The following TENM3 variants were observed in gnomAD, a reference collection of about 807,000 sequenced individuals.
The protein encoded by TENM3 is teneurin transmembrane protein 3.
In TENM3, 63 loss-of-function variants were observed where a neutral mutation model predicts 255.1. The ratio of observed to expected loss-of-function variants is 0.25; its 90% confidence interval spans 0.20 to 0.30. TENM3 has a LOEUF of 0.30. Among genes scored for constraint, TENM3 ranks in the 10% least tolerant of loss-of-function variants. The probability of loss-of-function intolerance (pLI) is 1.00; values close to 1 mark genes in which losing one functional copy is unlikely to be tolerated. For missense variants in TENM3, 2,929 were observed against 3,461.1 expected, an observed-to-expected ratio of 0.85 and a Z score of 3.86; for synonymous variants, 1,306 against 1,322.3, an observed-to-expected ratio of 0.99 and a Z score of 0.27.
At chr4:182,335,321 C>G (rs1764044560) in intron 2 of TENM3, among the ~76,000 whole-genome samples, 1 of 57,848 alleles carries the variant, frequency 1.7e-5, no homozygotes, top group Non-Finnish European at 4.0e-5. Context: ...TGGTGAAACC[C>G]CGTCTCTACT....
rs1241047514 is a variant in TENM3, at chr4:182,708,028, G to A, written c.2222-6059G>A. 2.7e-5 allele frequency: 4 copies of A among 149,202 alleles called. No homozygotes were observed. The South Asian group carries it at 6.4e-4, about 24-fold the overall frequency. 9.2% of individuals were successfully genotyped at this position (149,202 alleles called of 1,614,324 possible). On this transcript the variant is annotated intron_variant, in intron 12 of 27. Transcript: ENST00000511685. ...TTTTTTTTCTAAATCTCCAAGAGAC[G>A]ACATTGTGATAGAGTGGTTTAGAGC...
the TENM3 span, among the ~76,000 whole-genome samples, chr4:181,672,619 G>A: frequency 6.6e-6 from 1 of 152,132 alleles, no homozygotes; most frequent in Admixed American, 6.6e-5. Flanking sequence ...AGGGGAGACT[G>A]TTCTAGCTGT....
chr4:182,145,600 T>G (rs1749906551), intron 1 of TENM3, among the ~76,000 whole-genome samples: 1 of 152,166 alleles, frequency 6.6e-6, no homozygotes, highest in Non-Finnish European at 1.5e-5. Flanking sequence ...TAATTTTTAT[T>G]GTAGAGAGAG....
intron 3 of TENM3, chr4:182,448,883 C>T (rs1773178852): frequency 1.4e-5 from 3 of 221,570 alleles, no homozygotes; most frequent in South Asian, 4.8e-5. Flanking sequence ...GCGGTGGCGG[C>T]CCGGCGCGAA....
chr4:182,239,013 C>G (rs1469469846), upstream of TENM3, among the ~76,000 whole-genome samples: 4 of 146,660 alleles, frequency 2.7e-5, no homozygotes, highest in African/African-American at 1.0e-4. Flanking sequence ...CAAGAATATT[C>G]TTAGACTTTA....
the TENM3 span, among the ~76,000 whole-genome samples, chr4:181,735,988 CTTA>C: frequency 6.6e-6 from 1 of 151,842 alleles, no homozygotes; most frequent in Non-Finnish European, 1.5e-5. Context: ...ATCTTTTTTT[CTTA>C]TAACATATTC....
At chr4:182,164,386 GCTTT>G (rs983445450) in intron 1 of TENM3, among the ~76,000 whole-genome samples, 4 of 152,116 alleles carry the variant, frequency 2.6e-5, no homozygotes, top group African/African-American at 9.7e-5. Flanking sequence ...AGTTAATATT[GCTTT>G]CTAAGTATCT....
At chr4:182,070,948 A>C in the TENM3 span, among the ~76,000 whole-genome samples, 1 of 152,128 alleles carries the variant, frequency 6.6e-6, no homozygotes, top group Non-Finnish European at 1.5e-5. Context: ...CAAGGACTTG[A>C]ACTTCAGGAC....
the TENM3 span, among the ~76,000 whole-genome samples, chr4:182,101,172 G>A: frequency 1.1e-3 from 20 of 17,868 alleles, 2 homozygotes; most frequent in Admixed American, 4.8e-3. Context: ...AGAAGGGAGG[G>A]AGGAAGGAAA....
chr4:182,300,073 G>A (rs994208159), intron 1 of TENM3, among the ~76,000 whole-genome samples: 11 of 151,990 alleles, frequency 7.2e-5, no homozygotes, highest in East Asian at 1.9e-4. Flanking sequence ...TCACAGCCAC[G>A]CCTGGCTAAT....
the TENM3 span, among the ~76,000 whole-genome samples, chr4:181,577,201 A>T: frequency 7.8e-6 from 1 of 127,484 alleles, no homozygotes; most frequent in Non-Finnish European, 1.6e-5. Flanking sequence ...TATATATTAT[A>T]TATATATATT....
chr4:181,598,512 G>A, the TENM3 span, among the ~76,000 whole-genome samples: 3 of 151,842 alleles, frequency 2.0e-5, no homozygotes, highest in Non-Finnish European at 2.9e-5. Flanking sequence ...TTTTAATTAA[G>A]AATATTTTTA....
chr4:182,475,546 A>G (rs567948242), intron 3 of TENM3, among the ~76,000 whole-genome samples: 1 of 152,306 alleles, frequency 6.6e-6, no homozygotes, highest in South Asian at 2.1e-4. Flanking sequence ...CTGAAATGCC[A>G]TAATACTAGA....
At chr4:181,864,581 G>A in the TENM3 span, among the ~76,000 whole-genome samples, 1 of 152,128 alleles carries the variant, frequency 6.6e-6, no homozygotes, top group Non-Finnish European at 1.5e-5. Flanking sequence ...CTGGGAAACC[G>A]GTGTGGGTAA....
the TENM3 span, among the ~76,000 whole-genome samples, chr4:181,680,914 A>C: frequency 1.3e-5 from 2 of 152,156 alleles, no homozygotes; most frequent in Non-Finnish European, 2.9e-5. Context: ...ACTGAATCAC[A>C]TGCAGAGAGC....
At chr4:181,820,653 A>G in the TENM3 span, among the ~76,000 whole-genome samples, 1 of 152,096 alleles carries the variant, frequency 6.6e-6, no homozygotes, top group Non-Finnish European at 1.5e-5. Context: ...CGAAAGCACC[A>G]CCGCTGTAAA....
chr4:182,065,641 C>T, the TENM3 span, among the ~76,000 whole-genome samples: 1 of 152,154 alleles, frequency 6.6e-6, no homozygotes, highest in African/African-American at 2.4e-5. Context: ...GATTACAATT[C>T]GACCTGAGAT....
chr4:182,259,963 C>A (rs896440607), intron 1 of TENM3, among the ~76,000 whole-genome samples: 1 of 152,000 alleles, frequency 6.6e-6, no homozygotes, highest in African/African-American at 2.4e-5. Flanking sequence ...TTTTTAGCCC[C>A]CTGCATATGA....
rs768550467 is a variant in TENM3 at position 182,688,273 on chromosome 4, C to T, written c.2143C>T (p.Arg715Cys). ...CTGTAATCAGAGAGCCTGCCACCCC[C>T]GCTGTGCCGAGCACGGGACCTGCAA... Reference protein sequence around the residue: ...PACNQRACHPRCAEHGTCKDG... With the variant: ...PACNQRACHPCCAEHGTCKDG... The change falls in exon 12 of 28, where the codon CGC (arginine) becomes TGC (cysteine). Residue 715 changes from arginine to cysteine, a missense_variant. Transcript: ENST00000511685. 2 of 1,613,814 alleles carry T rather than the reference C, an allele frequency of 1.2e-6. No homozygotes were observed. The highest frequency in any genetic ancestry group is 1.7e-5 in the Admixed American group (1 of 59,998).
Sources: allele counts gnomAD v4.1 joint callset (sites outside exome capture counted in the v4.1 genomes callset), GRCh38; gene constraint gnomAD v4.1.1; transcripts MANE v1.5; gene names NCBI Gene and HGNC (gene_info 2026-07-23, HGNC 2026-07-21).